KIF6: variants seen among roughly 807,000 people sequenced by gnomAD.
KIF6 encodes kinesin-like protein KIF6.
In KIF6, 106 loss-of-function variants were observed where a neutral mutation model predicts 112.7. That is an observed-to-expected ratio of 0.94 (90% CI 0.80 to 1.11). The LOEUF (loss-of-function observed/expected upper bound fraction) is 1.11. KIF6 is among the 50% of genes least tolerant of loss of function. The probability of loss-of-function intolerance (pLI) is 0.00; values close to 1 mark genes in which losing one functional copy is unlikely to be tolerated. For synonymous variants in KIF6, 339 were observed against 339.9 expected (o/e 1.00, Z 0.03); for missense variants, 929 against 964.0 (o/e 0.96, Z 0.48).
At chr6:39,631,475 A>G in intron 5 of KIF6, among the ~76,000 whole-genome samples, 1 of 152,104 alleles carries the variant, frequency 6.6e-6, no homozygotes, top group East Asian at 1.9e-4. Context: ...TAACTTGTTT[A>G]GATTTCTATC....
In KIF6 at chr6:39,622,551, A is replaced by G. The variant is rs575764054; in HGVS notation, c.510-9233T>C. Among the ~76,000 whole-genome samples, 280 of 152,284 alleles carry G rather than the reference A, an allele frequency of 1.8e-3. 2 individuals are homozygous for G. The highest frequency in any genetic ancestry group is 5.9e-3 in the African/African-American group (246 of 41,568). On this transcript the variant is annotated intron_variant, in intron 5 of 22. Transcript: ENST00000287152. ...CTAAATGGATTTTTCCTCTCCATCA[A>G]TGATTGTGTGGCTCATGATGCAGTT...
chr6:39,537,611 G>A (rs551655840), intron 13 of KIF6, among the ~76,000 whole-genome samples: 4 of 152,110 alleles, frequency 2.6e-5, no homozygotes, highest in African/African-American at 9.6e-5. Context: ...TGGGTAGGAA[G>A]AATCAATATC....
At position 39,343,710 on chromosome 6, in the gene KIF6, T is replaced by C. The variant is rs755623934; in HGVS notation, c.2427A>G (p.Gln809=). The C allele has an allele frequency of 1.1e-5, 18 of 1,603,956 alleles. No homozygotes were observed. The African/African-American group carries it at 2.0e-4, about 18-fold the overall frequency. ...IKARQSILQK[Q]CLGSN is the part of the protein sequence containing the mutation. ...AGCCACCGAGGGAGGTGCACTTACA[T>C]TGCTTCTGCAGAATGCTCTGTCTGG... Residue 809 remains glutamine (Q), a splice_region_variant and synonymous_variant, in exon 22 of 23, where the codon CAA becomes CAG. Coordinates refer to ENST00000287152, the MANE Select transcript of KIF6 (RefSeq NM_145027.6). This position sits in a 1 kb window ranked among gnomAD's most constrained non-coding sequence, Gnocchi z 4.1.
intron 10 of KIF6, among the ~76,000 whole-genome samples, chr6:39,572,559 A>G (rs1780700623): frequency 6.6e-6 from 1 of 151,664 alleles, no homozygotes; most frequent in Admixed American, 6.6e-5. Flanking sequence ...GTCCAATTCA[A>G]TTTCATCTCG....
chr6:39,684,654 G>T (rs1787748845), intron 3 of KIF6, among the ~76,000 whole-genome samples: 1 of 151,634 alleles, frequency 6.6e-6, no homozygotes, highest in African/African-American at 2.4e-5. Context: ...GCTGGGAGTG[G>T]TGGCAAGTGC....
At chr6:39,360,333 A>G in intron 18 of KIF6, 62 bp downstream of exon 18, 7 of 1,589,898 alleles carry the variant, frequency 4.4e-6, no homozygotes, top group Non-Finnish European at 6.0e-6. Flanking sequence ...GTCTCTTGAC[A>G]GCCCCAGTGG....
chr6:39,355,588 C>T (rs189689403), intron 19 of KIF6, among the ~76,000 whole-genome samples: 3,711 of 151,506 alleles, frequency 0.024, 73 homozygotes, highest in South Asian at 0.043. Flanking sequence ...CTCAGCCTCC[C>T]GAGTGGCTGA....
intron 3 of KIF6, among the ~76,000 whole-genome samples, chr6:39,676,756 C>A (rs555955684): frequency 6.6e-6 from 1 of 151,094 alleles, no homozygotes; most frequent in Non-Finnish European, 1.5e-5. Flanking sequence ...AAAGAAAGTA[C>A]AAAATTTTCA....
At chr6:39,429,989 A>C (rs1218818185) in intron 14 of KIF6, among the ~76,000 whole-genome samples, 1 of 152,154 alleles carries the variant, frequency 6.6e-6, no homozygotes, top group Non-Finnish European at 1.5e-5. Context: ...CATGCCCGGC[A>C]GTCCAGCCAA....
At chr6:39,338,360 C>T (rs1192798079) in intron 22 of KIF6, among the ~76,000 whole-genome samples, 2 of 152,128 alleles carry the variant, frequency 1.3e-5, no homozygotes, top group Non-Finnish European at 2.9e-5. Context: ...CCAGCTAGTG[C>T]GGAGGAAGAG....
intron 16 of KIF6, among the ~76,000 whole-genome samples, chr6:39,370,455 T>C (rs1765882125): frequency 6.6e-6 from 1 of 152,202 alleles, no homozygotes; most frequent in Non-Finnish European, 1.5e-5. Flanking sequence ...TCCCTCTTCT[T>C]TTGGAAAACA....
chr6:39,433,020 C>T (rs1445868012), intron 13 of KIF6, among the ~76,000 whole-genome samples: 1 of 152,124 alleles, frequency 6.6e-6, no homozygotes, highest in Non-Finnish European at 1.5e-5. Context: ...CTTGCTTAAG[C>T]TGCAGGGAAG....
chr6:39,681,381 G>T (rs536000647), intron 3 of KIF6, among the ~76,000 whole-genome samples: 10 of 151,968 alleles, frequency 6.6e-5, no homozygotes, highest in African/African-American at 2.2e-4. Flanking sequence ...TCTGGCCCTT[G>T]TTCATGTATA....
intron 13 of KIF6, among the ~76,000 whole-genome samples, chr6:39,508,624 G>A (rs990386036): frequency 6.6e-6 from 1 of 152,188 alleles, no homozygotes; most frequent in Non-Finnish European, 1.5e-5. Context: ...GTAGCAGTAT[G>A]AGATCAACCT....
intron 19 of KIF6, among the ~76,000 whole-genome samples, chr6:39,352,420 T>G (rs1045648650): frequency 5.3e-5 from 8 of 152,206 alleles, no homozygotes; most frequent in African/African-American, 1.9e-4. Context: ...TTCCCTGTGC[T>G]CCATCTATTC....
chr6:39,662,916 T>A (rs894989585), intron 3 of KIF6, among the ~76,000 whole-genome samples: 6 of 152,048 alleles, frequency 3.9e-5, no homozygotes, highest in South Asian at 4.1e-4. Context: ...TCTCTCTTTT[T>A]TTTTTTTATA....
intron 19 of KIF6, among the ~76,000 whole-genome samples, chr6:39,348,095 G>C (rs1362498064): frequency 6.6e-6 from 1 of 152,252 alleles, no homozygotes; most frequent in Admixed American, 6.5e-5. Context: ...TCCTGGTGCA[G>C]CCTGGAGAAG....
chr6:39,514,734 G>A (rs1776968622), intron 13 of KIF6, among the ~76,000 whole-genome samples: 2 of 151,702 alleles, frequency 1.3e-5, no homozygotes, highest in South Asian at 2.1e-4. Context: ...CTACTTGGAT[G>A]AAATTTCCAA....
intron 3 of KIF6, among the ~76,000 whole-genome samples, chr6:39,680,251 G>A (rs950179749): frequency 1.3e-5 from 2 of 151,626 alleles, no homozygotes; most frequent in Non-Finnish European, 1.5e-5. Context: ...CAAGTGACCC[G>A]CCCACCTCAG....
Sources: allele counts gnomAD v4.1 joint callset (sites outside exome capture counted in the v4.1 genomes callset), GRCh38; gene constraint gnomAD v4.1.1; non-coding constraint Gnocchi (gnomAD v3.1); transcripts MANE v1.5; gene names NCBI Gene and HGNC (gene_info 2026-07-23, HGNC 2026-07-21).